SPTLC3: variants seen among roughly 807,000 people sequenced by gnomAD.
The protein encoded by SPTLC3 is serine palmitoyltransferase 3.
A neutral mutation model predicts 59.3 loss-of-function variants in SPTLC3; 36 were observed. That is an observed-to-expected ratio of 0.61 (90% CI 0.47 to 0.80). The LOEUF (loss-of-function observed/expected upper bound fraction) is 0.80, where lower values mean the gene tolerates loss of function less well. SPTLC3 is among the 30% of genes least tolerant of loss of function. SPTLC3 has a pLI of 0.00. For synonymous variants in SPTLC3, 257 were observed against 240.8 expected, an observed-to-expected ratio of 1.07 and a Z score of -0.62; for missense variants, 625 against 685.1, an observed-to-expected ratio of 0.91 and a Z score of 0.98.
chr20:13,059,864 G>A (rs550924125), intron 2 of SPTLC3, among the ~76,000 whole-genome samples: 3 of 151,832 alleles, frequency 2.0e-5, no homozygotes, highest in African/African-American at 7.3e-5. Flanking sequence ...GCTTTGAAAC[G>A]ACCTCATCTT....
At chr20:13,073,973 G>C in intron 3 of SPTLC3, 1 of 599,588 alleles carries the variant, frequency 1.7e-6, no homozygotes, top group East Asian at 4.2e-5. Flanking sequence ...CCAACTCCTG[G>C]TATATCCTGA....
intron 6 of SPTLC3, among the ~76,000 whole-genome samples, chr20:13,107,218 A>G (rs6033618): frequency 0.36 from 55,031 of 152,080 alleles, 10,549 homozygotes; most frequent in Non-Finnish European, 0.44. Flanking sequence ...GAGAATCTGC[A>G]TTTTAACTGG....
intron 2 of SPTLC3, among the ~76,000 whole-genome samples, chr20:13,052,956 G>T (rs550072226): frequency 6.6e-6 from 1 of 152,326 alleles, no homozygotes; most frequent in South Asian, 2.1e-4. Context: ...AGGGGCAGCT[G>T]CAGGTGCAGC....
rs534837073 is a variant in SPTLC3 at position 13,131,729 on chromosome 20, C to G, written c.1279+5012C>G. On this transcript the variant is annotated intron_variant, in intron 9 of 11. Transcript: ENST00000399002. ...AGTAGCCTCCTGAATATTCTCCCCA[C>G]TTTTGCTCTTGCCTTTTTATGGCTT... Among the ~76,000 whole-genome samples, 10 of 152,342 alleles carry G rather than the reference C, an allele frequency of 6.6e-5. 1 individual carries two copies. In the South Asian group the frequency reaches 2.1e-3, roughly 32 times the overall value.
At chr20:13,109,401 G>A (rs529402852) in intron 6 of SPTLC3, among the ~76,000 whole-genome samples, 1 of 152,284 alleles carries the variant, frequency 6.6e-6, no homozygotes, top group East Asian at 1.9e-4. Context: ...ATAGACCTCA[G>A]GCAGTTTACT....
intron 1 of SPTLC3, among the ~76,000 whole-genome samples, chr20:13,033,621 G>C (rs1253386478): frequency 6.6e-6 from 1 of 152,096 alleles, no homozygotes; most frequent in African/African-American, 2.4e-5. Flanking sequence ...AAATGGGTTT[G>C]GTGAATAGCC....
intron 8 of SPTLC3, among the ~76,000 whole-genome samples, chr20:13,121,383 G>A (rs1045442711): frequency 3.9e-5 from 6 of 152,178 alleles, no homozygotes; most frequent in Non-Finnish European, 7.3e-5. Flanking sequence ...CTGCACACTA[G>A]GCCCTGGCTG....
At chr20:13,016,434 T>G (rs1985531393) in intron 1 of SPTLC3, among the ~76,000 whole-genome samples, 1 of 152,168 alleles carries the variant, frequency 6.6e-6, no homozygotes, top group African/African-American at 2.4e-5. Context: ...ATAGCAGTAA[T>G]GCAAAGTGGA....
At position 13,130,084 on chromosome 20, in the gene SPTLC3, A is replaced by G. The variant is rs147206730; in HGVS notation, c.1279+3367A>G. On this transcript the variant is annotated intron_variant, in intron 9 of 11. Transcript: ENST00000399002. Reference sequence around the variant, plus strand: ...AAGAAAATTGACAGAATTATCAGCCAAGTTTCAGGTAGTTCTGCCTGACAC... The same window carrying G: ...AAGAAAATTGACAGAATTATCAGCCGAGTTTCAGGTAGTTCTGCCTGACAC... Among the ~76,000 whole-genome samples, 15 of 152,366 alleles carry G rather than the reference A, an allele frequency of 9.8e-5. No individual in the cohort carries two copies. The Middle Eastern group carries it at 0.01, about 104-fold the overall frequency.
At chr20:13,062,704 G>C (rs1004489958) in intron 2 of SPTLC3, among the ~76,000 whole-genome samples, 1 of 152,056 alleles carries the variant, frequency 6.6e-6, no homozygotes, top group Non-Finnish European at 1.5e-5. Flanking sequence ...TACTTACTCT[G>C]TCCTTTATGG....
intron 1 of SPTLC3, among the ~76,000 whole-genome samples, chr20:13,028,703 A>G (rs999608066): frequency 2.0e-5 from 3 of 152,284 alleles, no homozygotes; most frequent in East Asian, 3.9e-4. Flanking sequence ...ATAAGAATGG[A>G]CTATTCTTCT....
At chr20:13,095,703 C>T (rs934128033) in intron 6 of SPTLC3, among the ~76,000 whole-genome samples, 10 of 151,994 alleles carry the variant, frequency 6.6e-5, no homozygotes, top group Non-Finnish European at 1.2e-4. Context: ...GATATAAGAC[C>T]TAGAATCTTA....
intron 1 of SPTLC3, among the ~76,000 whole-genome samples, chr20:13,027,565 G>A (rs758356987): frequency 2.0e-5 from 3 of 151,326 alleles, no homozygotes; most frequent in Admixed American, 6.6e-5. Flanking sequence ...ATACAACTCC[G>A]TCCACTTCCC....
chr20:13,036,150 AT>A (rs202045311), intron 1 of SPTLC3, among the ~76,000 whole-genome samples: 3 of 152,140 alleles, frequency 2.0e-5, no homozygotes, highest in African/African-American at 7.2e-5. Flanking sequence ...TTAGGTGATG[AT>A]TTAAAAAAAA....
At chr20:13,109,845 G>C (rs927312724) in intron 6 of SPTLC3, among the ~76,000 whole-genome samples, 6 of 152,172 alleles carry the variant, frequency 3.9e-5, no homozygotes, top group South Asian at 2.1e-4. Context: ...GGCAGGCGGG[G>C]AGAGCCTTTA....
chr20:13,099,822 T>C (rs2122649859), intron 6 of SPTLC3, among the ~76,000 whole-genome samples: 1 of 152,330 alleles, frequency 6.6e-6, no homozygotes, highest in East Asian at 1.9e-4. Context: ...CAGATTGGAC[T>C]GATAATACAG....
Position 13,049,088 on chromosome 20 carries a change from A to G in SPTLC3, c.261A>G (p.Gly87=). The change falls in exon 2 of 12, where the codon GGA becomes GGG. Residue 87 remains glycine (G), a synonymous_variant. Coordinates refer to ENST00000399002, the MANE Select transcript of SPTLC3 (RefSeq NM_018327.4). ...TCAGAGACTTTTTAAGAAACTGGGG[A>G]ATAGAAAAATGCAACGCAGCTGTGG... The part of the protein sequence containing the change: ...GYLRDFLRNW[G]IEKCNAAVER... 9 of 1,613,870 alleles carry G rather than the reference A, an allele frequency of 5.6e-6. No homozygotes were observed. The highest frequency in any genetic ancestry group is 7.6e-6 in the Non-Finnish European group (9 of 1,179,886).
At chr20:13,043,081 G>T (rs1213411545) in intron 1 of SPTLC3, among the ~76,000 whole-genome samples, 1 of 152,122 alleles carries the variant, frequency 6.6e-6, no homozygotes, top group East Asian at 1.9e-4. Flanking sequence ...AAACCTAACT[G>T]CTACAATGTA....
intron 9 of SPTLC3, among the ~76,000 whole-genome samples, chr20:13,131,033 T>C (rs1057453739): frequency 3.9e-5 from 6 of 152,280 alleles, no homozygotes; most frequent in African/African-American, 1.4e-4. Context: ...GAAGTTACTT[T>C]TGGAAAGGTC....
Sources: allele counts gnomAD v4.1 joint callset (sites outside exome capture counted in the v4.1 genomes callset), GRCh38; gene constraint gnomAD v4.1.1; transcripts MANE v1.5; gene names NCBI Gene and HGNC (gene_info 2026-07-23, HGNC 2026-07-21).